The following OXCT1 variants were observed in gnomAD, a reference collection of about 807,000 sequenced individuals.
OXCT1 encodes succinyl-CoA:3-ketoacid coenzyme A transferase 1, mitochondrial.
In OXCT1, 27 loss-of-function variants were observed where a neutral mutation model predicts 69.6. The ratio of observed to expected loss-of-function variants is 0.39; its 90% CI spans 0.29 to 0.54. OXCT1 has a LOEUF of 0.54. OXCT1 is among the 20% of genes least tolerant of loss of function. The probability of loss-of-function intolerance (pLI) is 0.72; values close to 1 mark genes in which losing one functional copy is unlikely to be tolerated. For synonymous variants in OXCT1, 202 were observed against 217.8 expected, an observed-to-expected ratio of 0.93 and a Z score of 0.64; for missense variants, 437 against 650.2, an observed-to-expected ratio of 0.67 and a Z score of 3.57.
intron 11 of OXCT1, among the ~76,000 whole-genome samples, chr5:41,799,146 A>G (rs966009292): frequency 6.6e-6 from 1 of 152,160 alleles, no homozygotes; most frequent in Non-Finnish European, 1.5e-5. Flanking sequence ...TTTTTATCAT[A>G]CCAATTATAT....
At chr5:41,752,079 A>G (rs1426949375) in intron 14 of OXCT1, among the ~76,000 whole-genome samples, 5 of 152,156 alleles carry the variant, frequency 3.3e-5, no homozygotes, top group Admixed American at 3.3e-4. Flanking sequence ...TTAGTGACTC[A>G]CAAAGGAGGA....
chr5:41,749,936 A>G lies in OXCT1; in HGVS notation c.1339-329T>C, dbSNP rs528035486. Among the ~76,000 whole-genome samples the G allele has an allele frequency of 3.3e-5, 5 of 152,184 alleles. No individual in the cohort carries two copies. The South Asian group carries it at 1.0e-3, about 32-fold the overall frequency. On this transcript the variant is annotated intron_variant, in intron 14 of 16. Coordinates refer to ENST00000196371, the MANE Select transcript of OXCT1 (RefSeq NM_000436.4). ...TCCTGATTATTTTTCCCTTCCAAGG[A>G]ATGGTCTCCTTTAAAAATGTGAGCA... is the stretch of plus-strand genomic sequence containing the variant.
intron 7 of OXCT1, among the ~76,000 whole-genome samples, chr5:41,816,250 C>A (rs1294523159): frequency 6.6e-6 from 1 of 152,028 alleles, no homozygotes; most frequent in African/African-American, 2.4e-5. Context: ...AATTAAGATG[C>A]CATGTTTGTT....
At chr5:41,819,617 G>T (rs573256411) in intron 7 of OXCT1, among the ~76,000 whole-genome samples, 1 of 151,626 alleles carries the variant, frequency 6.6e-6, no homozygotes, top group Non-Finnish European at 1.5e-5. Context: ...TGATCTGCCT[G>T]CCTCAGCCTC....
intron 13 of OXCT1, among the ~76,000 whole-genome samples, chr5:41,793,069 T>C (rs1745999166): frequency 6.6e-6 from 1 of 152,204 alleles, no homozygotes; most frequent in Admixed American, 6.5e-5. Flanking sequence ...TAACATGATC[T>C]CTAGATCAAA....
Position 41,736,699 on chromosome 5 carries a change from A to G in OXCT1, c.1521+2691T>C, listed in dbSNP as rs181604339. 3.3e-5 allele frequency among the ~76,000 whole-genome samples: 5 copies of G among 152,296 alleles called. No homozygotes were observed. In the East Asian group the frequency reaches 9.7e-4, roughly 29 times the overall value. On this transcript the variant is annotated intron_variant, in intron 16 of 16. Transcript: ENST00000196371. ...CATTCACTTGCCCATATCCTTAGGGATACAGGACTTTTACCAACACATTTT... is the reference window on the plus strand; with the variant it reads ...CATTCACTTGCCCATATCCTTAGGGGTACAGGACTTTTACCAACACATTTT...
intron 13 of OXCT1, among the ~76,000 whole-genome samples, chr5:41,792,459 C>A (rs1254803981): frequency 6.6e-6 from 1 of 152,164 alleles, no homozygotes; most frequent in Non-Finnish European, 1.5e-5. Flanking sequence ...CAACATCACA[C>A]CTTGATTACT....
rs1158064704 is a variant in OXCT1, at chr5:41,840,303, A to G, written c.732+148T>C. 7 of 654,740 alleles carry G rather than the reference A, an allele frequency of 1.1e-5. No homozygotes were observed. In the African/African-American group the frequency reaches 1.3e-4, roughly 12 times the overall value. 40.6% of individuals were successfully genotyped at this position (654,740 alleles called of 1,614,324 possible). A position where few individuals can be genotyped will look rare whatever the true frequency, so the allele number is the denominator to read the frequency against. On this transcript the variant is annotated intron_variant, in intron 7 of 16. Coordinates refer to ENST00000196371, the MANE Select transcript of OXCT1 (RefSeq NM_000436.4). ...TACAGCAAAATTTTAACTATTATAT[A>G]TTTAGATAGAATGGATCCATTTCCA... is the stretch of plus-strand genomic sequence containing the variant.
rs1031168766 is a variant in OXCT1, at chr5:41,748,254, G to A, written c.1419+1273C>T. On this transcript the variant is annotated intron_variant, in intron 15 of 16. Transcript: ENST00000196371. ...GACAGGTAGTATTTGGGGAGGCTGAGGATCAAGTGGGAGCTATGACAGGTA... is the reference window on the plus strand; with the variant it reads ...GACAGGTAGTATTTGGGGAGGCTGAAGATCAAGTGGGAGCTATGACAGGTA... Among the ~76,000 whole-genome samples, 5 of 152,028 alleles carry A rather than the reference G, an allele frequency of 3.3e-5. No individual in the cohort carries two copies. The South Asian group carries it at 8.3e-4, about 25-fold the overall frequency.
chr5:41,794,144 C>T (rs1746066044), intron 12 of OXCT1, 66 bp from the exon 13 acceptor site: 2 of 1,181,760 alleles, frequency 1.7e-6, no homozygotes, highest in Non-Finnish European at 2.5e-6. Flanking sequence ...TTGAACTTGC[C>T]AGCAATTAGA....
chr5:41,834,484 C>A (rs1748255888), intron 7 of OXCT1, among the ~76,000 whole-genome samples: 5 of 112,370 alleles, frequency 4.4e-5, no homozygotes, highest in South Asian at 2.8e-4. Flanking sequence ...CAATGGAAAC[C>A]CACAAAAAAA....
chr5:41,745,089 G>A (rs1332437225), intron 15 of OXCT1, among the ~76,000 whole-genome samples: 1 of 151,878 alleles, frequency 6.6e-6, no homozygotes, highest in Admixed American at 6.6e-5. Context: ...CAAATCAACA[G>A]AATATACATT....
At chr5:41,863,098 T>C (rs554247563) in intron 1 of OXCT1, among the ~76,000 whole-genome samples, 2 of 152,330 alleles carry the variant, frequency 1.3e-5, no homozygotes, top group South Asian at 4.1e-4. Flanking sequence ...ACTGTTCTAT[T>C]ATTAGTTATT....
At chr5:41,739,257 C>T (rs902718615) in intron 16 of OXCT1, 133 bp downstream of exon 16, 4 of 698,914 alleles carry the variant, frequency 5.7e-6, no homozygotes, top group Non-Finnish European at 1.0e-5. Context: ...AGGCACCCTT[C>T]CTTCTACTCC....
In OXCT1 at chr5:41,766,581, A is replaced by C. The variant is rs185644867; in HGVS notation, c.1249-4381T>G. On this transcript the variant is annotated intron_variant, in intron 13 of 16. Transcript: ENST00000196371. ...TACATTGTACTCCAAAAAAAAAAAA[A>C]AACAACAACAACAACAGGAATTCAA... Among the ~76,000 whole-genome samples, 181 of 151,100 alleles carry C rather than the reference A, an allele frequency of 1.2e-3. 2 individuals carry two copies. The highest frequency in any genetic ancestry group is 2.8e-3 in the Admixed American group (42 of 15,212).
In OXCT1 at chr5:41,770,094, T is replaced by C. The variant is rs7708534; in HGVS notation, c.1249-7894A>G. Among the ~76,000 whole-genome samples the C allele has an allele frequency of 1.4e-3, 214 of 152,368 alleles. 1 individual carries two copies. Among genetic ancestry groups the C allele is most frequent in the African/African-American group, 5.0e-3 (207 of 41,596 alleles). On this transcript the variant is annotated intron_variant, in intron 13 of 16. Coordinates refer to ENST00000196371, the MANE Select transcript of OXCT1 (RefSeq NM_000436.4). ...TAGACTATGAGCCCTTTGCCTTCCC[T>C]GTTCACCTTCAACCCAGTGCAGTTG...
At position 41,803,178 on chromosome 5, in the gene OXCT1, T is replaced by C. The variant is rs886060636; in HGVS notation, c.956-15A>G. ...GCCCAAATTAGCTGGAAAAAAAAGATGTTAAGGTCCAGCATATAAAAGGTA... is the reference window on the plus strand; with the variant it reads ...GCCCAAATTAGCTGGAAAAAAAAGACGTTAAGGTCCAGCATATAAAAGGTA... On this transcript the variant is annotated splice_polypyrimidine_tract_variant and intron_variant, in intron 9 of 16. Transcript: ENST00000196371. The C allele has an allele frequency of 1.8e-5, 27 of 1,532,926 alleles. No homozygotes were observed. Among genetic ancestry groups the C allele is most frequent in the Non-Finnish European group, 2.4e-5 (27 of 1,106,798 alleles). The allele number at this position is 1,532,926 out of a possible 1,614,324, so 95.0% of individuals were successfully genotyped here.
intron 1 of OXCT1, among the ~76,000 whole-genome samples, chr5:41,867,397 T>C (rs139722662): frequency 1.2e-3 from 182 of 152,306 alleles, no homozygotes; most frequent in African/African-American, 4.3e-3. Context: ...CATTAAATAA[T>C]TACAAAATTT....
chr5:41,785,086 C>T (rs1404532984), intron 13 of OXCT1, among the ~76,000 whole-genome samples: 1 of 152,096 alleles, frequency 6.6e-6, no homozygotes, highest in African/African-American at 2.4e-5. Flanking sequence ...TAATAACATC[C>T]TAAATTGGTG....
Sources: gnomAD v4.1 joint callset for allele counts (sites outside exome capture counted in the v4.1 genomes callset) on GRCh38, gnomAD v4.1.1 for gene constraint, MANE v1.5 for transcripts, NCBI Gene and HGNC (gene_info 2026-07-23, HGNC 2026-07-21) for gene names.